Variants in CNIH3 observed in about 807,000 individuals in gnomAD.
The protein encoded by CNIH3 is protein cornichon homolog 3.
Under a neutral mutation model 24.1 loss-of-function variants are expected in CNIH3, and 14 were observed. The observed-to-expected ratio is 0.58, with a 90% CI of 0.38 to 0.91. The LOEUF (loss-of-function observed/expected upper bound fraction) is 0.91, where lower values mean the gene tolerates loss of function less well. Ranked by LOEUF, CNIH3 falls within the 40% of genes least tolerant of loss-of-function variation. The pLI is 0.00. For synonymous variants in CNIH3, 68 were observed against 73.8 expected (o/e 0.92, Z 0.40); for missense variants, 178 against 196.8 (o/e 0.90, Z 0.57).
At chr1:224,614,963 A>G (rs1682880473), upstream of CNIH3, among the ~76,000 whole-genome samples, 1 of 151,592 alleles carries the variant, frequency 6.6e-6, no homozygotes, top group Non-Finnish European at 1.5e-5. Flanking sequence ...AAATAAATAA[A>G]TAAATAAATA....
At chr1:224,496,053 C>T (rs1677424653) in intron 1 of CNIH3, among the ~76,000 whole-genome samples, 1 of 152,164 alleles carries the variant, frequency 6.6e-6, no homozygotes, top group Admixed American at 6.5e-5. Flanking sequence ...TTCAAGATCT[C>T]ATGTAGTGGC....
At chr1:224,629,840 A>T (rs1683732367) in intron 1 of CNIH3, among the ~76,000 whole-genome samples, 1 of 152,088 alleles carries the variant, frequency 6.6e-6, no homozygotes, top group Admixed American at 6.5e-5. Context: ...CAACAGCAGG[A>T]CCCACTTCAT....
intron 1 of CNIH3, among the ~76,000 whole-genome samples, chr1:224,466,825 T>A (rs1204771636): frequency 6.6e-6 from 1 of 152,192 alleles, no homozygotes; most frequent in Non-Finnish European, 1.5e-5. Context: ...TGGTTTTAAT[T>A]TAGATTGCCC....
intron 5 of CNIH3, among the ~76,000 whole-genome samples, chr1:224,735,632 G>A (rs1470059374): frequency 7.0e-6 from 1 of 143,176 alleles, no homozygotes; most frequent in African/African-American, 2.6e-5. Context: ...GGCTGCATTT[G>A]TCCAGCATTT....
At chr1:224,619,645 G>C (rs1683187978) in intron 1 of CNIH3, among the ~76,000 whole-genome samples, 1 of 152,102 alleles carries the variant, frequency 6.6e-6, no homozygotes, top group Admixed American at 6.5e-5. Flanking sequence ...TTAGTTACAT[G>C]GTAGTAATTA....
intron 3 of CNIH3, among the ~76,000 whole-genome samples, chr1:224,554,547 A>G (rs936277180): frequency 6.6e-6 from 1 of 152,010 alleles, no homozygotes; most frequent in Non-Finnish European, 1.5e-5. Context: ...ATATAGTATT[A>G]TAGTATAATA....
chr1:224,479,688 C>G (rs1482814084), intron 1 of CNIH3, among the ~76,000 whole-genome samples: 1 of 152,192 alleles, frequency 6.6e-6, no homozygotes, highest in Non-Finnish European at 1.5e-5. Flanking sequence ...GCAGGGCAGT[C>G]AAATCTTAAA....
At chr1:224,603,783 G>A (rs1046068798) in intron 3 of CNIH3, among the ~76,000 whole-genome samples, 8 of 152,144 alleles carry the variant, frequency 5.3e-5, no homozygotes, top group African/African-American at 1.9e-4. Context: ...AGGTGGTTTG[G>A]ATGATACTCT....
chr1:224,459,380 G>A (rs1161224295), intron 1 of CNIH3, among the ~76,000 whole-genome samples: 2 of 152,132 alleles, frequency 1.3e-5, no homozygotes, highest in Non-Finnish European at 2.9e-5. Context: ...TCTATTCCAT[G>A]GAGCCAAACC....
intron 1 of CNIH3, among the ~76,000 whole-genome samples, chr1:224,648,431 A>G (rs1331694368): frequency 6.7e-6 from 1 of 148,546 alleles, no homozygotes; most frequent in Non-Finnish European, 1.5e-5. Flanking sequence ...AAAAAAAAAG[A>G]AAAGAAAATG....
chr1:224,623,757 C>T (rs983332440), intron 1 of CNIH3, among the ~76,000 whole-genome samples: 2 of 152,146 alleles, frequency 1.3e-5, no homozygotes, highest in Non-Finnish European at 2.9e-5. Context: ...AGGCCACTTC[C>T]TCCCCTCCTA....
intron 1 of CNIH3, among the ~76,000 whole-genome samples, chr1:224,640,067 T>C (rs1684282929): frequency 1.3e-5 from 2 of 152,230 alleles, no homozygotes; most frequent in Admixed American, 1.3e-4. Flanking sequence ...CAGTTTTCCT[T>C]GCTTGGTGCC....
rs556092321 is a variant in CNIH3, at chr1:224,448,957, G to A, written n.203+14095G>A. 2.7e-3 allele frequency among the ~76,000 whole-genome samples: 402 copies of A among 150,044 alleles called. 1 individual carries two copies. Among genetic ancestry groups the A allele is most frequent in the Admixed American group, 6.4e-3 (97 of 15,084 alleles). ...CCCACTGACACGAATCAGAAGCTGG[G>A]ATTCTTTTTTTTTTTTTTTTTTTTG... is the stretch of plus-strand genomic sequence containing the variant. On this transcript the variant is annotated intron_variant and non_coding_transcript_variant, in intron 1 of 5. Transcript: ENST00000471578.
At chr1:224,525,068 G>T (rs1678792216) in intron 2 of CNIH3, among the ~76,000 whole-genome samples, 1 of 152,170 alleles carries the variant, frequency 6.6e-6, no homozygotes, top group South Asian at 2.1e-4. Flanking sequence ...AAAAAAGAGA[G>T]ACCAAGTTTG....
chr1:224,706,926 C>T (rs1012524275), intron 3 of CNIH3, among the ~76,000 whole-genome samples: 5 of 150,622 alleles, frequency 3.3e-5, no homozygotes, highest in African/African-American at 1.2e-4. Context: ...AAAATCCAAC[C>T]TCTAATTGGC....
intron 3 of CNIH3, among the ~76,000 whole-genome samples, chr1:224,715,400 A>G (rs1275057917): frequency 1.3e-5 from 2 of 151,778 alleles, no homozygotes; most frequent in African/African-American, 4.8e-5. Context: ...CCACTCTCCC[A>G]CCAGCCCAGG....
At chr1:224,500,293 T>G (rs936718218) in intron 1 of CNIH3, among the ~76,000 whole-genome samples, 1 of 152,106 alleles carries the variant, frequency 6.6e-6, no homozygotes, top group South Asian at 2.1e-4. Flanking sequence ...GATTACAAAC[T>G]GAGCCACTGT....
intron 2 of CNIH3, among the ~76,000 whole-genome samples, chr1:224,523,139 T>A (rs1678707431): frequency 6.6e-6 from 1 of 151,928 alleles, no homozygotes; most frequent in South Asian, 2.1e-4. Context: ...CTTGGGAGGC[T>A]GAGGCAGAAG....
At chr1:224,732,908 G>A (rs1394888335) in intron 4 of CNIH3, among the ~76,000 whole-genome samples, 5 of 152,042 alleles carry the variant, frequency 3.3e-5, no homozygotes, top group African/African-American at 1.2e-4. Flanking sequence ...ACAGGATCTA[G>A]TCTAGTTCCT....
Sources: allele counts gnomAD v4.1 joint callset (sites outside exome capture counted in the v4.1 genomes callset), GRCh38; gene constraint gnomAD v4.1.1; transcripts MANE v1.5; gene names NCBI Gene and HGNC (gene_info 2026-07-23, HGNC 2026-07-21).